The following AKT3 variants were observed in gnomAD, a reference collection of about 807,000 sequenced individuals.
The protein encoded by AKT3 is AKT serine/threonine kinase 3, also known as RAC-gamma serine/threonine-protein kinase.
AKT3 carries 15 observed loss-of-function variants against 65.3 expected under a neutral mutation model. That is an observed-to-expected ratio of 0.23 (90% CI 0.15 to 0.35). AKT3 has a LOEUF of 0.35. Ranked by LOEUF, AKT3 falls within the 10% of genes least tolerant of loss-of-function variation. The pLI is 1.00. For missense variants in AKT3, 243 were observed against 576.5 expected (o/e 0.42, Z 5.92); for synonymous variants, 206 against 183.8 (o/e 1.12, Z -0.98).
intron 4 of AKT3, among the ~76,000 whole-genome samples, chr1:243,649,303 TTATGTG>T (rs1299281927): frequency 4.8e-5 from 6 of 123,946 alleles, no homozygotes; most frequent in African/African-American, 1.7e-4. Flanking sequence ...CAAGAATATG[TTATGTG>T]TATATGTGTG....
intron 3 of AKT3, among the ~76,000 whole-genome samples, chr1:243,693,979 G>T (rs1207046941): frequency 6.6e-6 from 1 of 152,074 alleles, no homozygotes; most frequent in African/African-American, 2.4e-5. Flanking sequence ...CACTAAATAG[G>T]ATCCTTCCCC....
At chr1:243,667,206 T>C (rs1344304070) in intron 3 of AKT3, among the ~76,000 whole-genome samples, 4 of 152,200 alleles carry the variant, frequency 2.6e-5, no homozygotes, top group Non-Finnish European at 4.4e-5. Flanking sequence ...CTACTTCAGA[T>C]TCTGTGTGCC....
chr1:243,609,334 C>CTGTGTGTGTGTGTGTG (rs72249798), intron 8 of AKT3, among the ~76,000 whole-genome samples: 1 of 148,070 alleles, frequency 6.8e-6, no homozygotes, highest in South Asian at 2.2e-4. Flanking sequence ...TTTTCATTTT[C>CTGTGTGTGTGTGTGTG]TGTGTGTGTG....
chr1:243,763,441 C>T (rs568512004), intron 2 of AKT3, among the ~76,000 whole-genome samples: 1 of 152,162 alleles, frequency 6.6e-6, no homozygotes, highest in East Asian at 1.9e-4. Flanking sequence ...TTAATATTTA[C>T]TTTAGGCTTG....
chr1:243,606,892 G>C (rs770548262), intron 8 of AKT3, among the ~76,000 whole-genome samples: 26 of 152,270 alleles, frequency 1.7e-4, no homozygotes, highest in Non-Finnish European at 3.5e-4. Flanking sequence ...TTCAGTCCCA[G>C]CTGTGGCTAA....
chr1:243,705,557 T>C (rs560857988), intron 2 of AKT3, among the ~76,000 whole-genome samples: 1 of 152,288 alleles, frequency 6.6e-6, no homozygotes, highest in South Asian at 2.1e-4. Flanking sequence ...TTAAACACAA[T>C]AACATCTTAA....
intron 7 of AKT3, 111 bp from the exon 8 acceptor site, chr1:243,613,850 T>C (rs370828710): frequency 1.1e-4 from 63 of 593,876 alleles, no homozygotes; most frequent in South Asian, 6.9e-4. Flanking sequence ...ATGAAAAGAA[T>C]TGTTATTGTT....
chr1:243,716,227 T>C (rs1304080808), intron 2 of AKT3, among the ~76,000 whole-genome samples: 1 of 152,062 alleles, frequency 6.6e-6, no homozygotes, highest in Non-Finnish European at 1.5e-5. Flanking sequence ...TGTAAGAAAA[T>C]GTTCATAAAT....
chr1:243,622,038 G>A (rs560847996), intron 6 of AKT3, among the ~76,000 whole-genome samples: 23 of 152,278 alleles, frequency 1.5e-4, no homozygotes, highest in Admixed American at 1.2e-3. Flanking sequence ...ACTAGACTGT[G>A]TAACTACACG....
chr1:243,657,244 G>T (rs1477814167), intron 4 of AKT3, among the ~76,000 whole-genome samples: 1 of 152,214 alleles, frequency 6.6e-6, no homozygotes, highest in South Asian at 2.1e-4. Context: ...CGTGAAGAGG[G>T]CCCTCTCTAG....
chr1:243,650,484 G>A (rs1431827739), intron 4 of AKT3, among the ~76,000 whole-genome samples: 1 of 152,176 alleles, frequency 6.6e-6, no homozygotes, highest in Non-Finnish European at 1.5e-5. Flanking sequence ...CTTTGCCCAT[G>A]CCTATGTCCT....
In AKT3 at chr1:243,621,512, C is replaced by A. The variant is rs188212525; in HGVS notation, c.562-6351G>T. ...ATTCTCTTCACTGGGTACACTCTTC[C>A]TTTGGTAAACTCATTCAGACTATGG... is the stretch of plus-strand genomic sequence containing the variant. On this transcript the variant is annotated intron_variant, in intron 6 of 13. Coordinates refer to ENST00000673466, the MANE Select transcript of AKT3 (RefSeq NM_005465.7). 3.3e-3 allele frequency among the ~76,000 whole-genome samples: 506 copies of A among 152,210 alleles called. 5 individuals are homozygous for A. The highest frequency in any genetic ancestry group is 4.8e-3 in the Non-Finnish European group (329 of 68,004).
intron 8 of AKT3, among the ~76,000 whole-genome samples, chr1:243,597,031 T>G (rs1451595925): frequency 2.0e-5 from 3 of 152,184 alleles, no homozygotes; most frequent in Non-Finnish European, 2.9e-5. Context: ...AATGGCTACC[T>G]AGGGCCACGT....
intron 2 of AKT3, among the ~76,000 whole-genome samples, chr1:243,798,133 C>T: frequency 1.3e-5 from 2 of 150,636 alleles, no homozygotes; most frequent in East Asian, 1.9e-4. Context: ...CCGCCTGCCT[C>T]GGCCTCCCAA....
intron 8 of AKT3, among the ~76,000 whole-genome samples, chr1:243,581,711 G>A (rs1279770753): frequency 1.3e-5 from 2 of 151,812 alleles, no homozygotes; most frequent in Non-Finnish European, 2.9e-5. Flanking sequence ...ACCACCAAAG[G>A]ATCACACTAG....
intron 11 of AKT3, among the ~76,000 whole-genome samples, chr1:243,549,790 A>T (rs1207846431): frequency 6.6e-6 from 1 of 152,152 alleles, no homozygotes; most frequent in Non-Finnish European, 1.5e-5. Flanking sequence ...TCCATGACAA[A>T]GCTGCCAGAG....
At chr1:243,604,025 A>G (rs1677212163) in intron 8 of AKT3, among the ~76,000 whole-genome samples, 5 of 151,026 alleles carry the variant, frequency 3.3e-5, no homozygotes, top group Admixed American at 3.3e-4. Context: ...CCTCCCAAGT[A>G]GCTGGGATTA....
In AKT3 at chr1:243,798,530, G is replaced by A. The variant is rs576357313; in HGVS notation, c.46+44595C>T. Among the ~76,000 whole-genome samples the A allele has an allele frequency of 6.9e-5, 10 of 144,766 alleles. No homozygotes were observed. In the South Asian group the frequency reaches 2.2e-3, roughly 32 times the overall value. 95.0% of individuals were successfully genotyped at this position (144,766 alleles called of 152,430 possible). Reference sequence around the variant, plus strand: ...GCTGGGATCATAGGCATGAGACTTTGTGCCAGGCCTTCTATTTATGTTCTT... The same window carrying A: ...GCTGGGATCATAGGCATGAGACTTTATGCCAGGCCTTCTATTTATGTTCTT... On this transcript the variant is annotated intron_variant, in intron 2 of 13. Transcript: ENST00000673466.
In AKT3 at chr1:243,555,870, T is replaced by G. The variant is rs547812812; in HGVS notation, c.949-2927A>C. Among the ~76,000 whole-genome samples the G allele has an allele frequency of 3.9e-5, 6 of 152,312 alleles. No homozygotes were observed. In the South Asian group the frequency reaches 8.3e-4, roughly 21 times the overall value. ...TTCCATAAAACCAACATTACTGACT[T>G]GTAAATGAAACCCAAACTTTAAATA... is the stretch of plus-strand genomic sequence containing the variant. On this transcript the variant is annotated intron_variant, in intron 10 of 13. Coordinates refer to ENST00000673466, the MANE Select transcript of AKT3 (RefSeq NM_005465.7).
Sources: allele counts gnomAD v4.1 joint callset (sites outside exome capture counted in the v4.1 genomes callset), GRCh38; gene constraint gnomAD v4.1.1; transcripts MANE v1.5; gene names NCBI Gene and HGNC (gene_info 2026-07-23, HGNC 2026-07-21).